Variants in PHF24 observed in about 807,000 individuals in gnomAD.
PHF24 encodes Galpha inhibitory interacting protein.
PHF24 carries 25 observed loss-of-function variants against 42.6 expected under a neutral mutation model. That is an observed-to-expected ratio of 0.59 (90% CI 0.43 to 0.82). The LOEUF (loss-of-function observed/expected upper bound fraction) is 0.82. Among genes scored for constraint, PHF24 ranks in the 40% least tolerant of loss-of-function variants. The pLI, the probability that PHF24 is intolerant of heterozygous loss-of-function variation, is 0.00. For missense variants in PHF24, 470 were observed against 538.1 expected, an observed-to-expected ratio of 0.87 and a Z score of 1.25; for synonymous variants, 185 against 204.8, an observed-to-expected ratio of 0.90 and a Z score of 0.83.
the PHF24 span, among the ~76,000 whole-genome samples, chr9:34,690,750 A>G: frequency 6.6e-6 from 1 of 152,002 alleles, no homozygotes; most frequent in East Asian, 1.9e-4. Context: ...ATTTTTGAAT[A>G]TCAGCCTTGG....
the PHF24 span, among the ~76,000 whole-genome samples, chr9:34,706,476 A>G: frequency 6.6e-6 from 1 of 152,196 alleles, no homozygotes; most frequent in Non-Finnish European, 1.5e-5. Context: ...ACTTTTGGAT[A>G]TATTTTTTAA....
chr9:34,677,389 GTTTTTTTTTT>G, the PHF24 span, among the ~76,000 whole-genome samples: 52 of 79,764 alleles, frequency 6.5e-4, 2 homozygotes, highest in Admixed American at 2.5e-3. Context: ...TTTGTAAACT[GTTTTTTTTTT>G]TTTTTTTTTT....
the PHF24 span, among the ~76,000 whole-genome samples, chr9:34,852,312 G>A: frequency 3.3e-5 from 5 of 152,162 alleles, no homozygotes; most frequent in Non-Finnish European, 7.3e-5. Context: ...GGAGTCCAAA[G>A]TTATATGCAG....
the PHF24 span, among the ~76,000 whole-genome samples, chr9:34,811,073 T>C: frequency 6.6e-6 from 1 of 152,190 alleles, no homozygotes; most frequent in Non-Finnish European, 1.5e-5. Flanking sequence ...ACTAGGTATG[T>C]TTAAACATCT....
At chr9:34,904,319 C>G in the PHF24 span, among the ~76,000 whole-genome samples, 1 of 152,130 alleles carries the variant, frequency 6.6e-6, no homozygotes, top group African/African-American at 2.4e-5. Context: ...AGAGGGAATA[C>G]TTTCAACCTT....
the PHF24 span, among the ~76,000 whole-genome samples, chr9:34,868,359 G>T: frequency 6.6e-6 from 1 of 152,200 alleles, no homozygotes; most frequent in African/African-American, 2.4e-5. Context: ...TCTGTGGAAG[G>T]CAGTGAGAAC....
At chr9:34,933,568 C>CA in the PHF24 span, among the ~76,000 whole-genome samples, 1 of 151,254 alleles carries the variant, frequency 6.6e-6, no homozygotes, top group Non-Finnish European at 1.5e-5. Context: ...ACTAAAAATA[C>CA]AAAAAAATTA....
the PHF24 span, among the ~76,000 whole-genome samples, chr9:34,855,730 G>A: frequency 0.012 from 1,757 of 152,166 alleles, 25 homozygotes; most frequent in African/African-American, 0.04. Context: ...TTAAACCCTG[G>A]AGAATCTGAT....
the PHF24 span, among the ~76,000 whole-genome samples, chr9:34,902,757 T>C: frequency 2.6e-5 from 4 of 152,248 alleles, no homozygotes; most frequent in Non-Finnish European, 5.9e-5. Context: ...CTAAATGTTC[T>C]GAAATTTTAT....
chr9:34,825,659 A>G, the PHF24 span, among the ~76,000 whole-genome samples: 1 of 148,370 alleles, frequency 6.7e-6, no homozygotes, highest in African/African-American at 2.6e-5. Flanking sequence ...ATCCAAGTTC[A>G]TGAGTCCAAG....
At chr9:34,866,519 A>G in the PHF24 span, among the ~76,000 whole-genome samples, 1 of 152,328 alleles carries the variant, frequency 6.6e-6, no homozygotes, top group East Asian at 1.9e-4. Context: ...ACCAGCCACA[A>G]GGTTATGAAA....
At chr9:34,674,656 T>C in the PHF24 span, among the ~76,000 whole-genome samples, 1 of 152,284 alleles carries the variant, frequency 6.6e-6, no homozygotes, top group Non-Finnish European at 1.5e-5. Flanking sequence ...GGAAGACATA[T>C]TATGTTTTAT....
intron 1 of PHF24, among the ~76,000 whole-genome samples, chr9:34,963,603 G>T (rs1383421365): frequency 2.0e-5 from 3 of 152,140 alleles, no homozygotes; most frequent in African/African-American, 7.2e-5. Flanking sequence ...CCTCCTGTGG[G>T]CCTCACCATA....
At chr9:34,812,781 G>A in the PHF24 span, among the ~76,000 whole-genome samples, 1 of 152,150 alleles carries the variant, frequency 6.6e-6, no homozygotes, top group Non-Finnish European at 1.5e-5. Flanking sequence ...TCAGTGACTC[G>A]TGAACACTTG....
chr9:34,848,592 C>G, the PHF24 span, among the ~76,000 whole-genome samples: 2 of 151,816 alleles, frequency 1.3e-5, no homozygotes, highest in Admixed American at 1.3e-4. Flanking sequence ...TTTTGTGTCT[C>G]TATTTCCTTC....
chr9:34,708,574 C>T, the PHF24 span, among the ~76,000 whole-genome samples: 1 of 152,194 alleles, frequency 6.6e-6, no homozygotes, highest in East Asian at 1.9e-4. Context: ...TGGGCCCAAG[C>T]CACAGCTTCC....
At chr9:34,875,900 T>A in the PHF24 span, among the ~76,000 whole-genome samples, 1 of 145,402 alleles carries the variant, frequency 6.9e-6, no homozygotes, top group Non-Finnish European at 1.5e-5. Context: ...AGCTCGTCTC[T>A]CTCTCTTACA....
the PHF24 span, among the ~76,000 whole-genome samples, chr9:34,809,929 G>GCGCGGGGA: frequency 1.3e-5 from 2 of 151,354 alleles, no homozygotes; most frequent in Admixed American, 6.6e-5. The surrounding 1 kb of genome is among the most constrained non-coding windows in gnomAD (Gnocchi z 4.1). Flanking sequence ...GTACCTCGGG[G>GCGCGGGGA]CGCGGGGGCG....
chr9:34,796,604 A>C, the PHF24 span, among the ~76,000 whole-genome samples: 2 of 152,234 alleles, frequency 1.3e-5, no homozygotes, highest in Non-Finnish European at 2.9e-5. Flanking sequence ...AATAAGAACA[A>C]GATGTACAAG....
Sources: gnomAD v4.1 joint callset for allele counts (sites outside exome capture counted in the v4.1 genomes callset) on GRCh38, gnomAD v4.1.1 for gene constraint, Gnocchi (gnomAD v3.1) non-coding constraint, MANE v1.5 for transcripts, NCBI Gene and HGNC (gene_info 2026-07-23, HGNC 2026-07-21) for gene names.